The following PDE8A variants were observed in gnomAD, a reference collection of about 807,000 sequenced individuals.
The protein encoded by PDE8A is high affinity cAMP-specific and IBMX-insensitive 3',5'-cyclic phosphodiesterase 8A.
In PDE8A, 59 loss-of-function variants were observed where a neutral mutation model predicts 105.0. The observed-to-expected ratio is 0.56, with a 90% CI of 0.46 to 0.70. PDE8A has a LOEUF of 0.70. Ranked by LOEUF, PDE8A falls within the 30% of genes least tolerant of loss-of-function variation. The pLI is 0.00. For missense variants in PDE8A, 1,014 were observed against 1,045.9 expected (o/e 0.97, Z 0.42); for synonymous variants, 355 against 371.9 (o/e 0.95, Z 0.52).
Position 85,060,087 on chromosome 15 carries a change from G to C in PDE8A, c.187-4283G>C, listed in dbSNP as rs189706448. Among the ~76,000 whole-genome samples, 320 of 152,288 alleles carry C rather than the reference G, an allele frequency of 2.1e-3. 3 individuals are homozygous for C. Among genetic ancestry groups the C allele is most frequent in the Non-Finnish European group, 2.3e-3 (157 of 68,010 alleles). On this transcript the variant is annotated intron_variant, in intron 1 of 21. Coordinates refer to ENST00000394553, the MANE Select transcript of PDE8A (RefSeq NM_002605.3). ...TATTTGTTTTTCTGTATGTCACATA[G>C]CTTTTCTGTCTTCCATTTCTTTAAT...
intron 6 of PDE8A, 119 bp downstream of exon 6, chr15:85,083,763 T>C: frequency 1.5e-6 from 1 of 679,192 alleles, no homozygotes; most frequent in Non-Finnish European, 2.7e-6. Flanking sequence ...TTGGAGAGAA[T>C]GGAGTGGCAA....
chr15:85,038,437 C>G (rs1408247710), intron 1 of PDE8A, among the ~76,000 whole-genome samples: 2 of 152,048 alleles, frequency 1.3e-5, no homozygotes, highest in African/African-American at 4.8e-5. Context: ...ATGATTAGTG[C>G]TTTTCGTATC....
intron 1 of PDE8A, among the ~76,000 whole-genome samples, chr15:85,009,889 C>T (rs533243792): frequency 1.3e-5 from 2 of 152,238 alleles, no homozygotes; most frequent in South Asian, 4.1e-4. Flanking sequence ...CCCCATAGTT[C>T]ATCAGAAGAA....
At chr15:85,064,233 C>T in intron 1 of PDE8A, 137 bp from the exon 2 acceptor site, 1 of 596,840 alleles carries the variant, frequency 1.7e-6, no homozygotes. Context: ...ATAATCATTT[C>T]ATTTATCTAC....
intron 11 of PDE8A, among the ~76,000 whole-genome samples, chr15:85,102,000 G>T (rs1427181459): frequency 6.6e-6 from 1 of 152,172 alleles, no homozygotes; most frequent in Admixed American, 6.5e-5. Flanking sequence ...CTGCAAAGAG[G>T]TTAGGTCTAG....
intron 5 of PDE8A, among the ~76,000 whole-genome samples, chr15:85,079,376 A>T (rs1011152006): frequency 6.6e-6 from 1 of 152,186 alleles, no homozygotes; most frequent in African/African-American, 2.4e-5. Context: ...GAAATGTTCT[A>T]TGTGGGAAAT....
chr15:85,107,548 T>TC (rs1333663267), intron 11 of PDE8A, among the ~76,000 whole-genome samples: 1 of 151,638 alleles, frequency 6.6e-6, no homozygotes, highest in African/African-American at 2.4e-5. Context: ...AGACTGGAGG[T>TC]GTTTAGGAGG....
At position 85,042,780 on chromosome 15, in the gene PDE8A, A is replaced by G. The variant is rs893933718; in HGVS notation, c.187-21590A>G. ...TGGCGGGTACTGCACAGAGTGCTTC[A>G]TATCTGTTACTCATTTAATCTTCAC... On this transcript the variant is annotated intron_variant, in intron 1 of 21. Transcript: ENST00000394553. Among the ~76,000 whole-genome samples the G allele has an allele frequency of 3.3e-5, 5 of 152,166 alleles. No homozygotes were observed. The East Asian group carries it at 9.6e-4, about 29-fold the overall frequency.
chr15:85,039,033 A>T (rs962282176), intron 1 of PDE8A, among the ~76,000 whole-genome samples: 31 of 151,962 alleles, frequency 2.0e-4, no homozygotes, highest in African/African-American at 7.5e-4. Flanking sequence ...AGGCAGGAGA[A>T]TTGCTTGAAC....
At chr15:85,131,087 G>A (rs2082324072) in intron 20 of PDE8A, among the ~76,000 whole-genome samples, 1 of 152,080 alleles carries the variant, frequency 6.6e-6, no homozygotes. Flanking sequence ...AGTTTATTTT[G>A]TCTTTTAGGA....
At chr15:85,076,929 C>G (rs1206438351) in intron 5 of PDE8A, 142 bp downstream of exon 5, 2 of 596,732 alleles carry the variant, frequency 3.4e-6, no homozygotes, top group Non-Finnish European at 6.1e-6. Flanking sequence ...ACCTGTAATC[C>G]CAGCACTTTG....
At chr15:85,120,645 G>A in intron 17 of PDE8A, 152 bp from the exon 18 acceptor site, 1 of 587,094 alleles carries the variant, frequency 1.7e-6, no homozygotes, top group Non-Finnish European at 3.0e-6. Context: ...TCAGGGTGGA[G>A]ATAGGAAAAC....
chr15:85,090,233 C>G (rs2081619302), intron 7 of PDE8A, among the ~76,000 whole-genome samples: 2 of 152,188 alleles, frequency 1.3e-5, no homozygotes, highest in African/African-American at 4.8e-5. Flanking sequence ...TTTAATCCAG[C>G]TGAATCTGCT....
intron 4 of PDE8A, 114 bp from the exon 5 acceptor site, chr15:85,076,619 T>C (rs2081383726): frequency 4.3e-6 from 3 of 704,846 alleles, no homozygotes; most frequent in Non-Finnish European, 5.2e-6. Flanking sequence ...ATTAATCTGA[T>C]TCATCTAAAA....
At chr15:85,105,522 C>A (rs1184142319) in intron 11 of PDE8A, among the ~76,000 whole-genome samples, 1 of 152,148 alleles carries the variant, frequency 6.6e-6, no homozygotes, top group Non-Finnish European at 1.5e-5. Context: ...GAGGAAGCTG[C>A]TGTTTTTGAG....
At chr15:85,035,389 T>C (rs2141381465) in intron 1 of PDE8A, among the ~76,000 whole-genome samples, 1 of 151,998 alleles carries the variant, frequency 6.6e-6, no homozygotes, top group South Asian at 2.1e-4. Context: ...TTTGTATTTT[T>C]AGTAGAGATG....
chr15:85,124,619 C>G (rs1409801612), intron 19 of PDE8A, among the ~76,000 whole-genome samples: 1 of 152,214 alleles, frequency 6.6e-6, no homozygotes. Context: ...ATGACACTTA[C>G]TTTGGTTTAA....
chr15:85,099,583 C>T (rs943959942), intron 9 of PDE8A, among the ~76,000 whole-genome samples: 1 of 152,196 alleles, frequency 6.6e-6, no homozygotes, highest in South Asian at 2.1e-4. Flanking sequence ...TAGCTAACCA[C>T]GTTCAGTGTG....
intron 1 of PDE8A, among the ~76,000 whole-genome samples, chr15:85,049,628 T>C (rs2080941093): frequency 6.6e-6 from 1 of 152,192 alleles, no homozygotes; most frequent in South Asian, 2.1e-4. Context: ...CTCACTGTGT[T>C]GAGCTCACTC....
Sources: gnomAD v4.1 joint callset for allele counts (sites outside exome capture counted in the v4.1 genomes callset) on GRCh38, gnomAD v4.1.1 for gene constraint, MANE v1.5 for transcripts, NCBI Gene and HGNC (gene_info 2026-07-23, HGNC 2026-07-21) for gene names.